TENM2: variants seen among roughly 807,000 people sequenced by gnomAD.
TENM2 encodes teneurin-2.
Under a neutral mutation model 245.2 loss-of-function variants are expected in TENM2, and 52 were observed. The ratio of observed to expected loss-of-function variants is 0.21; its 90% CI spans 0.17 to 0.27. The LOEUF (loss-of-function observed/expected upper bound fraction) is 0.27. Among genes scored for constraint, TENM2 ranks in the 10% least tolerant of loss-of-function variants. TENM2 has a pLI of 1.00. For missense variants in TENM2, 3,046 were observed against 3,666.8 expected (o/e 0.83, Z 4.37); for synonymous variants, 1,363 against 1,438.9 (o/e 0.95, Z 1.19).
chr5:167,373,972 G>T, intron 1 of TENM2, among the ~76,000 whole-genome samples: 1 of 152,210 alleles, frequency 6.6e-6, no homozygotes, highest in African/African-American at 2.4e-5. Context: ...TCCCCCTATA[G>T]GTCCCCATGT....
chr5:168,200,693 A>G (rs1761863556), intron 17 of TENM2, among the ~76,000 whole-genome samples: 1 of 152,222 alleles, frequency 6.6e-6, no homozygotes. Flanking sequence ...GGAGATCAGA[A>G]AGTCACATGC....
intron 2 of TENM2, among the ~76,000 whole-genome samples, chr5:167,604,531 A>G (rs1201826376): frequency 6.6e-6 from 1 of 152,196 alleles, no homozygotes; most frequent in Non-Finnish European, 1.5e-5. Flanking sequence ...AGTATCTGGT[A>G]GGTCTCCTTG....
the TENM2 span, among the ~76,000 whole-genome samples, chr5:167,137,315 A>G: frequency 1.3e-5 from 2 of 152,200 alleles, no homozygotes; most frequent in Non-Finnish European, 2.9e-5. Flanking sequence ...CTTTCTTAGT[A>G]TATTTACTAA....
the TENM2 span, among the ~76,000 whole-genome samples, chr5:167,126,690 AT>A: frequency 2.0e-5 from 3 of 151,960 alleles, no homozygotes; most frequent in East Asian, 1.9e-4. Context: ...ATATTTTGCA[AT>A]TTTTTTTGTT....
chr5:167,707,013 TAAAAA>T (rs34373602), intron 2 of TENM2, among the ~76,000 whole-genome samples: 1 of 70,092 alleles, frequency 1.4e-5, no homozygotes, highest in Admixed American at 1.8e-4. Context: ...AGACTCCGCC[TAAAAA>T]AAAAAAAAAA....
chr5:167,427,480 A>G (rs1162974694), intron 2 of TENM2, among the ~76,000 whole-genome samples: 1 of 149,578 alleles, frequency 6.7e-6, no homozygotes, highest in Non-Finnish European at 1.5e-5. Context: ...GAAGGGAAGG[A>G]AGGGAAGCAA....
chr5:167,566,851 T>C (rs1773939550), intron 2 of TENM2, among the ~76,000 whole-genome samples: 1 of 152,204 alleles, frequency 6.6e-6, no homozygotes, highest in Non-Finnish European at 1.5e-5. Context: ...TTTTACTTTA[T>C]GATAAGGTGG....
intron 2 of TENM2, among the ~76,000 whole-genome samples, chr5:167,459,914 ACACACACACACACACACACACG>A (rs1175885093): frequency 1.5e-5 from 2 of 135,222 alleles, no homozygotes; most frequent in Non-Finnish European, 1.5e-5. Context: ...AAAGATAAAC[ACACACACACACACACACACACG>A]CACACACACA....
At position 168,082,819 on chromosome 5, in the gene TENM2, G is replaced by C. The variant is rs546862170; in HGVS notation, c.1516-7755G>C. Among the ~76,000 whole-genome samples, 13 of 152,240 alleles carry C rather than the reference G, an allele frequency of 8.5e-5. No individual in the cohort carries two copies. The South Asian group carries it at 1.7e-3, about 19-fold the overall frequency. ...GCCTGATCCTTCCTCTGGAAGCTTC[G>C]TCTCAGATGGGCATCTGGCTGTATG... On this transcript the variant is annotated intron_variant, in intron 7 of 28. Coordinates refer to ENST00000518659, the Ensembl canonical transcript of TENM2.
At chr5:167,983,533 A>G (rs748939428) in intron 4 of TENM2, among the ~76,000 whole-genome samples, 8 of 152,196 alleles carry the variant, frequency 5.3e-5, no homozygotes, top group Admixed American at 1.3e-4. Flanking sequence ...GCAGTCCCCT[A>G]TGAGCCGAAA....
intron 2 of TENM2, among the ~76,000 whole-genome samples, chr5:167,565,869 A>G (rs1192588694): frequency 3.3e-5 from 5 of 152,200 alleles, no homozygotes; most frequent in Non-Finnish European, 7.3e-5. Context: ...ACTGGCGTCT[A>G]TATTCTTTAA....
At chr5:167,151,623 A>G in the TENM2 span, among the ~76,000 whole-genome samples, 3 of 151,918 alleles carry the variant, frequency 2.0e-5, no homozygotes, top group Admixed American at 2.0e-4. Context: ...GGTTCATGCC[A>G]TTCTCCTGCC....
chr5:167,091,120 A>C, the TENM2 span, among the ~76,000 whole-genome samples: 1 of 152,048 alleles, frequency 6.6e-6, no homozygotes, highest in African/African-American at 2.4e-5. Flanking sequence ...TTTTTTTGTG[A>C]ATTTTTTTTT....
At chr5:167,597,407 TC>T (rs951479769) in intron 2 of TENM2, among the ~76,000 whole-genome samples, 2 of 152,054 alleles carry the variant, frequency 1.3e-5, no homozygotes, top group Admixed American at 6.5e-5. Flanking sequence ...CCTCAGGCAA[TC>T]CGGCCTCAAG....
At chr5:167,529,298 T>G (rs1255709371) in intron 2 of TENM2, among the ~76,000 whole-genome samples, 1 of 152,194 alleles carries the variant, frequency 6.6e-6, no homozygotes, top group Non-Finnish European at 1.5e-5. Flanking sequence ...TTGGTCCTGC[T>G]TCAGAACAGT....
At chr5:168,083,917 C>T (rs144644224) in intron 7 of TENM2, among the ~76,000 whole-genome samples, 3 of 152,206 alleles carry the variant, frequency 2.0e-5, no homozygotes, top group African/African-American at 7.2e-5. Context: ...CTTGCCCCCT[C>T]CCTCTCCGCC....
chr5:168,250,096 CTGGATGAG>C (rs1489804487), intron 27 of TENM2, among the ~76,000 whole-genome samples: 1 of 148,268 alleles, frequency 6.7e-6, no homozygotes, highest in East Asian at 2.0e-4. Context: ...GGCTGGCTGG[CTGGATGAG>C]TGGATGGATG....
At chr5:167,157,400 A>T in the TENM2 span, among the ~76,000 whole-genome samples, 3 of 152,204 alleles carry the variant, frequency 2.0e-5, no homozygotes, top group Non-Finnish European at 4.4e-5. Flanking sequence ...TTAGTAGCTT[A>T]CATAAATTTG....
At chr5:167,231,348 A>C in the TENM2 span, among the ~76,000 whole-genome samples, 1 of 152,226 alleles carries the variant, frequency 6.6e-6, no homozygotes, top group African/African-American at 2.4e-5. Context: ...CTTGTTGAAT[A>C]GCTTTGACCA....
Sources: gnomAD v4.1 joint callset for allele counts (sites outside exome capture counted in the v4.1 genomes callset) on GRCh38, gnomAD v4.1.1 for gene constraint, MANE v1.5 for transcripts, NCBI Gene and HGNC (gene_info 2026-07-23, HGNC 2026-07-21) for gene names.